The following ATG5 variants were observed in gnomAD, a reference collection of about 807,000 sequenced individuals.
The protein encoded by ATG5 is autophagy protein 5.
ATG5 carries 14 observed loss-of-function variants against 36.5 expected under a neutral mutation model. The ratio of observed to expected loss-of-function variants is 0.38; its 90% CI spans 0.25 to 0.60. The LOEUF (loss-of-function observed/expected upper bound fraction) is 0.60, where lower values mean the gene tolerates loss of function less well. ATG5 is among the 20% of genes least tolerant of loss of function. The pLI is 0.60. For missense variants in ATG5, 195 were observed against 326.7 expected (o/e 0.60, Z 3.11); for synonymous variants, 95 against 101.5 (o/e 0.94, Z 0.38).
intron 5 of ATG5, among the ~76,000 whole-genome samples, chr6:106,264,830 G>T (rs573704188): frequency 5.9e-5 from 9 of 152,182 alleles, no homozygotes; most frequent in African/African-American, 1.9e-4. Context: ...CCCTACAAGA[G>T]CTCCTGAAGG....
intron 5 of ATG5, among the ~76,000 whole-genome samples, chr6:106,255,304 G>A (rs1209305021): frequency 6.6e-6 from 1 of 152,178 alleles, no homozygotes; most frequent in Non-Finnish European, 1.5e-5. Flanking sequence ...CATGATGGGG[G>A]AAGGGGTTCT....
At chr6:106,284,719 G>T (rs1414875571) in intron 4 of ATG5, among the ~76,000 whole-genome samples, 5 of 144,424 alleles carry the variant, frequency 3.5e-5, no homozygotes, top group East Asian at 2.0e-4. Context: ...GTTGTGTGGG[G>T]TTTTTTTTGT....
chr6:106,291,460 G>A (rs1372730279), intron 4 of ATG5, among the ~76,000 whole-genome samples: 1 of 152,116 alleles, frequency 6.6e-6, no homozygotes, highest in Admixed American at 6.5e-5. Context: ...ATAACATCCT[G>A]ATATTATTAT....
intron 6 of ATG5, among the ~76,000 whole-genome samples, chr6:106,246,921 T>G (rs752334395): frequency 2.6e-5 from 4 of 152,220 alleles, no homozygotes; most frequent in Admixed American, 1.3e-4. Flanking sequence ...GCCGGGCACT[T>G]TTCTAGAACC....
chr6:106,269,313 A>G (rs1779349280), intron 5 of ATG5, among the ~76,000 whole-genome samples: 1 of 152,210 alleles, frequency 6.6e-6, no homozygotes, highest in South Asian at 2.1e-4. Flanking sequence ...AGCTAGACAT[A>G]AAGGTTCTCC....
chr6:106,256,318 A>G (rs984770009), intron 5 of ATG5, among the ~76,000 whole-genome samples: 6 of 152,218 alleles, frequency 3.9e-5, no homozygotes, highest in Admixed American at 2.0e-4. Flanking sequence ...GCAGTATGCA[A>G]TGCAACATTT....
intron 6 of ATG5, among the ~76,000 whole-genome samples, chr6:106,235,426 G>A (rs1777860053): frequency 6.6e-6 from 1 of 152,124 alleles, no homozygotes; most frequent in Admixed American, 6.5e-5. Context: ...GAAGCAGTTA[G>A]ACTGGTCGTC....
chr6:106,186,302 G>T lies in ATG5; in HGVS notation c.*238C>A. 2.2e-6 allele frequency: 1 copy of T among 457,704 alleles called. No individual in the cohort carries two copies. Among genetic ancestry groups the T allele is most frequent in the Non-Finnish European group, 3.9e-6 (1 of 259,382 alleles). 28.4% of individuals were successfully genotyped at this position (457,704 alleles called of 1,614,324 possible). A position where few individuals can be genotyped will look rare whatever the true frequency, so the allele number is the denominator to read the frequency against. ...TTTTACAGAAGACCTTCAGTGGTCC[G>T]GTAAGTCTTTCATGTCACAGCTGAG... On this transcript the variant is annotated 3_prime_UTR_variant, in exon 8 of 8. Transcript: ENST00000369076.
At chr6:106,294,749 G>A (rs1234227593) in intron 3 of ATG5, among the ~76,000 whole-genome samples, 4 of 150,998 alleles carry the variant, frequency 2.6e-5, no homozygotes, top group African/African-American at 4.9e-5. Flanking sequence ...AGGCTGAGGC[G>A]GGAGACTCTC....
chr6:106,272,674 T>A (rs905622923), intron 5 of ATG5, among the ~76,000 whole-genome samples: 1 of 152,232 alleles, frequency 6.6e-6, no homozygotes, highest in Non-Finnish European at 1.5e-5. Context: ...ATCGTGCCTG[T>A]CATATTTACC....
chr6:106,242,062 G>GT (rs200149714), intron 6 of ATG5, among the ~76,000 whole-genome samples: 2,055 of 152,126 alleles, frequency 0.014, 47 homozygotes, highest in African/African-American at 0.047. Context: ...GCAAAATGTG[G>GT]TATGTATATA....
chr6:106,221,271 C>A (rs1777236259), intron 6 of ATG5, among the ~76,000 whole-genome samples: 1 of 152,120 alleles, frequency 6.6e-6, no homozygotes. Flanking sequence ...CTTCTAAGAG[C>A]TGTACATTAA....
chr6:106,205,306 C>A (rs1054059166), intron 6 of ATG5, among the ~76,000 whole-genome samples: 7 of 152,146 alleles, frequency 4.6e-5, no homozygotes, highest in Non-Finnish European at 1.0e-4. Flanking sequence ...CGCAGTCCAA[C>A]CTGAAAACAA....
At chr6:106,200,556 G>A (rs1776384861) in intron 7 of ATG5, among the ~76,000 whole-genome samples, 2 of 151,278 alleles carry the variant, frequency 1.3e-5, no homozygotes, top group African/African-American at 2.4e-5. Flanking sequence ...CTCACTGCAA[G>A]CTCCGCCTTG....
At chr6:106,314,569 A>T (rs562300228) in intron 2 of ATG5, among the ~76,000 whole-genome samples, 10 of 152,140 alleles carry the variant, frequency 6.6e-5, no homozygotes, top group African/African-American at 1.7e-4. Context: ...AATAAATAAT[A>T]AATAAATAAA....
chr6:106,245,754 C>T (rs914293642), intron 6 of ATG5, among the ~76,000 whole-genome samples: 2 of 151,760 alleles, frequency 1.3e-5, no homozygotes, highest in African/African-American at 4.8e-5. Flanking sequence ...TACTTAGTAA[C>T]TTAAGGGCTC....
chr6:106,313,340 G>C (rs1267741106), intron 2 of ATG5, among the ~76,000 whole-genome samples: 22 of 152,190 alleles, frequency 1.4e-4, no homozygotes, highest in Admixed American at 1.4e-3. Flanking sequence ...GAAGAGGTCA[G>C]GGCTCAGAGA....
At chr6:106,311,453 T>A (rs1294193153) in intron 2 of ATG5, among the ~76,000 whole-genome samples, 1 of 152,060 alleles carries the variant, frequency 6.6e-6, no homozygotes, top group Non-Finnish European at 1.5e-5. Flanking sequence ...TGGGTGAGTG[T>A]GGAAGTCTGG....
At chr6:106,201,295 G>A (rs1387556295) in intron 7 of ATG5, among the ~76,000 whole-genome samples, 2 of 151,882 alleles carry the variant, frequency 1.3e-5, no homozygotes, top group Non-Finnish European at 2.9e-5. Context: ...GTGTGTGTGT[G>A]TGTGTGTGTG....
Sources: allele counts gnomAD v4.1 joint callset (sites outside exome capture counted in the v4.1 genomes callset), GRCh38; gene constraint gnomAD v4.1.1; transcripts MANE v1.5; gene names NCBI Gene and HGNC (gene_info 2026-07-23, HGNC 2026-07-21).